LDHB: variants seen among roughly 807,000 people sequenced by gnomAD.
LDHB encodes the protein lactate dehydrogenase B, also known as L-lactate dehydrogenase B chain.
In LDHB, 18 loss-of-function variants were observed where a neutral mutation model predicts 33.4. The ratio of observed to expected loss-of-function variants is 0.54; its 90% CI spans 0.37 to 0.80. The LOEUF (loss-of-function observed/expected upper bound fraction) is 0.80. Ranked by LOEUF, LDHB falls within the 30% of genes least tolerant of loss-of-function variation. The probability of loss-of-function intolerance (pLI) is 0.00; values close to 1 mark genes in which losing one functional copy is unlikely to be tolerated. For synonymous variants in LDHB, 121 were observed against 140.6 expected (o/e 0.86, Z 0.98); for missense variants, 345 against 407.9 (o/e 0.85, Z 1.33).
intron 1 of LDHB, 166 bp downstream of exon 1, chr12:21,657,576 GCGCCCCAAA>G (rs1938894030): frequency 6.6e-6 from 1 of 152,638 alleles, no homozygotes; most frequent in Non-Finnish European, 1.5e-5. Flanking sequence ...GGCCCCCCCT[GCGCCCCAAA>G]CTGAGCGGCA....
chr12:21,646,190 G>A (rs1354666718), intron 3 of LDHB, among the ~76,000 whole-genome samples: 2 of 152,182 alleles, frequency 1.3e-5, no homozygotes, highest in Non-Finnish European at 2.9e-5. Context: ...GATGAGCCAT[G>A]AGGAAATGCA....
intron 6 of LDHB, among the ~76,000 whole-genome samples, chr12:21,637,901 G>GA (rs11437489): frequency 0.94 from 142,693 of 151,160 alleles, 67,844 homozygotes; most frequent in Non-Finnish European, 1. Flanking sequence ...TCAAATTCCT[G>GA]AAAAAAAAAT....
intron 6 of LDHB, 100 bp downstream of exon 6, chr12:21,638,253 A>G (rs1938270842): frequency 1.3e-6 from 1 of 766,872 alleles, no homozygotes; most frequent in South Asian, 1.4e-5. Flanking sequence ...TAATTACTAC[A>G]TTAAGAGTTT....
chr12:21,655,912 T>C lies in LDHB; in HGVS notation c.-6-1235A>G, dbSNP rs188590235. Among the ~76,000 whole-genome samples, 8 of 152,350 alleles carry C rather than the reference T, an allele frequency of 5.3e-5. No homozygotes were observed. The East Asian group carries it at 1.2e-3, about 22-fold the overall frequency. On this transcript the variant is annotated intron_variant, in intron 1 of 7. Coordinates refer to ENST00000350669, the MANE Select transcript of LDHB (RefSeq NM_002300.8). Reference sequence around the variant, plus strand: ...AGTACACTAAATATATACCACCCTGTCTTCTTGAACAGAGAATACAGATGG... The same window carrying C: ...AGTACACTAAATATATACCACCCTGCCTTCTTGAACAGAGAATACAGATGG...
At chr12:21,650,222 TTAAC>T (rs1001858572) in intron 2 of LDHB, among the ~76,000 whole-genome samples, 12 of 151,970 alleles carry the variant, frequency 7.9e-5, no homozygotes, top group African/African-American at 2.7e-4. Context: ...TCTCAAATAA[TTAAC>T]TAAATGGATA....
chr12:21,649,919 C>G (rs146085453), intron 2 of LDHB, among the ~76,000 whole-genome samples: 165 of 152,120 alleles, frequency 1.1e-3, no homozygotes, highest in African/African-American at 3.7e-3. Context: ...TAGTGAAACC[C>G]TGTCTCTACT....
intron 4 of LDHB, among the ~76,000 whole-genome samples, chr12:21,642,747 TAA>T (rs1270824087): frequency 6.6e-6 from 1 of 152,132 alleles, no homozygotes; most frequent in South Asian, 2.1e-4. Context: ...GGCTAAGCTG[TAA>T]AAAGTAAAAA....
chr12:21,643,019 T>C (rs182522192), intron 4 of LDHB, among the ~76,000 whole-genome samples: 84 of 152,368 alleles, frequency 5.5e-4, no homozygotes, highest in African/African-American at 1.9e-3. Flanking sequence ...TTGTCATTCC[T>C]ATTCTACATC....
At chr12:21,644,424 C>CAAAAAAAAAA (rs72491634) in intron 3 of LDHB, among the ~76,000 whole-genome samples, 2 of 15,260 alleles carry the variant, frequency 1.3e-4, no homozygotes, top group South Asian at 3.3e-3. Flanking sequence ...AGGTAGACAT[C>CAAAAAAAAAA]AAAAAAAAAA....
chr12:21,637,260 T>C (rs1938245016), intron 6 of LDHB, 66 bp from the exon 7 acceptor site: 5 of 1,195,830 alleles, frequency 4.2e-6, no homozygotes, highest in African/African-American at 1.5e-5. Flanking sequence ...AGACCTGACT[T>C]TGACTACTGC....
rs1471407006 is a variant in LDHB at position 21,638,455 on chromosome 12, C to G, written c.611G>C (p.Gly204Ala). Residue 204 changes from glycine (G) to alanine (A), a missense_variant, in exon 6 of 8, where the codon GGT becomes GCT. Coordinates refer to ENST00000350669, the MANE Select transcript of LDHB (RefSeq NM_002300.8). Reference protein sequence around the residue: ...HGDSSVAVWSGVNVAGVSLQE... With the variant: ...HGDSSVAVWSAVNVAGVSLQE... ...GAGAGAAACACCTGCCACATTCACACCACTCCACACAGCCACTGTTTAAAA... is the reference window on the plus strand; with the variant it reads ...GAGAGAAACACCTGCCACATTCACAGCACTCCACACAGCCACTGTTTAAAA... 1.9e-6 allele frequency: 3 copies of G among 1,585,360 alleles called. No homozygotes were observed. The highest frequency in any genetic ancestry group is 2.6e-6 in the Non-Finnish European group (3 of 1,161,666).
At chr12:21,647,204 T>C (rs972076248) in intron 2 of LDHB, among the ~76,000 whole-genome samples, 188 bp from the exon 3 acceptor site, 1 of 152,186 alleles carries the variant, frequency 6.6e-6, no homozygotes, top group Non-Finnish European at 1.5e-5. Context: ...TTTAAGAACA[T>C]GTAGACTTAA....
intron 1 of LDHB, among the ~76,000 whole-genome samples, chr12:21,656,528 G>C (rs952901141): frequency 6.6e-6 from 1 of 152,172 alleles, no homozygotes; most frequent in South Asian, 2.1e-4. Flanking sequence ...TGGTATACAG[G>C]GGGCCCAGGA....
At chr12:21,647,555 A>C (rs748735541) in intron 2 of LDHB, among the ~76,000 whole-genome samples, 7 of 150,988 alleles carry the variant, frequency 4.6e-5, no homozygotes, top group African/African-American at 9.8e-5. Context: ...TCATGTGATC[A>C]CTCCAAATCT....
At position 21,635,353 on chromosome 12, in the gene LDHB, A is replaced by C; in HGVS notation, c.*189T>G. On this transcript the variant is annotated 3_prime_UTR_variant, in exon 8 of 8. Coordinates refer to ENST00000350669, the MANE Select transcript of LDHB (RefSeq NM_002300.8). ...CCCAGAAACAGAAGCACACTACAAT[A>C]GTTAATTTTATTTGTTCAAGAGCTC... 3.3e-6 allele frequency: 2 copies of C among 607,870 alleles called. No individual in the cohort carries two copies. The highest frequency in any genetic ancestry group is 1.9e-5 in the African/African-American group (1 of 54,018). 37.7% of individuals were successfully genotyped at this position (607,870 alleles called of 1,614,324 possible).
chr12:21,654,429 A>G (rs1047715791), intron 2 of LDHB, 114 bp downstream of exon 2: 2 of 997,194 alleles, frequency 2.0e-6, no homozygotes, highest in Non-Finnish European at 3.1e-6. Flanking sequence ...ACAACTTCAA[A>G]TTGCTCAGGA....
rs71053332 is a variant in LDHB, at chr12:21,638,476, TAAA to T, written c.596-9_596-7del. 5,526 of 1,069,978 alleles carry T rather than the reference TAAA, an allele frequency of 5.2e-3. No individual in the cohort carries two copies. Among genetic ancestry groups the T allele is most frequent in the Non-Finnish European group, 6.2e-3 (4,497 of 723,270 alleles). The allele number at this position is 1,069,978 out of a possible 1,614,324, so 66.3% of individuals were successfully genotyped here. On this transcript the variant is annotated splice_region_variant and splice_polypyrimidine_tract_variant and intron_variant, in intron 5 of 7. Coordinates refer to ENST00000350669, the MANE Select transcript of LDHB (RefSeq NM_002300.8). ...CACACCACTCCACACAGCCACTGTTTAAAAAAAAAAAAAAAGACATTGCAGTTA... is the reference window on the plus strand; with the variant it reads ...CACACCACTCCACACAGCCACTGTTTAAAAAAAAAAAAGACATTGCAGTTA...
chr12:21,655,966 C>G (rs1365386926), intron 1 of LDHB, among the ~76,000 whole-genome samples: 1 of 152,124 alleles, frequency 6.6e-6, no homozygotes, highest in Non-Finnish European at 1.5e-5. Flanking sequence ...ACAATTATTA[C>G]TTATAATTGT....
intron 7 of LDHB, among the ~76,000 whole-genome samples, chr12:21,636,587 G>A (rs769932165): frequency 1.3e-5 from 2 of 152,060 alleles, no homozygotes; most frequent in Non-Finnish European, 2.9e-5. Flanking sequence ...ACACTGACTT[G>A]TGGAAAATGA....
Sources: gnomAD v4.1 joint callset for allele counts (sites outside exome capture counted in the v4.1 genomes callset) on GRCh38, gnomAD v4.1.1 for gene constraint, MANE v1.5 for transcripts, NCBI Gene and HGNC (gene_info 2026-07-23, HGNC 2026-07-21) for gene names.